Variants in SHPRH observed in about 807,000 individuals in gnomAD.
The protein encoded by SHPRH is SNF2 histone linker PHD RING helicase.
Under a neutral mutation model 202.5 loss-of-function variants are expected in SHPRH, and 106 were observed. The observed-to-expected ratio is 0.52, with a 90% CI of 0.45 to 0.62. The LOEUF (loss-of-function observed/expected upper bound fraction) is 0.62. SHPRH is among the 20% of genes least tolerant of loss of function. The probability of loss-of-function intolerance (pLI) is 0.00; values close to 1 mark genes in which losing one functional copy is unlikely to be tolerated. For missense variants in SHPRH, 1,710 were observed against 2,020.0 expected (o/e 0.85, Z 2.94); for synonymous variants, 729 against 686.0 (o/e 1.06, Z -0.98).
chr6:145,862,411 G>A (rs1583240124), downstream of SHPRH, among the ~76,000 whole-genome samples: 1 of 127,326 alleles, frequency 7.9e-6, no homozygotes, highest in African/African-American at 3.0e-5. Context: ...CCGAGACTCC[G>A]TCTCAACAAA....
At chr6:145,957,383 T>A (rs1051266126) in intron 1 of SHPRH, among the ~76,000 whole-genome samples, 4 of 152,074 alleles carry the variant, frequency 2.6e-5, no homozygotes, top group African/African-American at 4.8e-5. Context: ...ATTAAATATT[T>A]TGGTTCTTCA....
chr6:145,872,724 A>G (rs887808634), intron 2 of SHPRH, among the ~76,000 whole-genome samples: 3 of 152,242 alleles, frequency 2.0e-5, no homozygotes, highest in African/African-American at 7.2e-5. Context: ...TTTTCTTATA[A>G]AGACACATGC....
At chr6:145,867,631 T>TATATAGAG (rs1554220329) in intron 2 of SHPRH, among the ~76,000 whole-genome samples, 60 of 22,314 alleles carry the variant, frequency 2.7e-3, no homozygotes, top group East Asian at 3.6e-3. Flanking sequence ...TATATATATA[T>TATATAGAG]AGAGAGAGAG....
At chr6:145,932,953 TG>T in intron 14 of SHPRH, 103 bp downstream of exon 14, 1 of 1,248,030 alleles carries the variant, frequency 8.0e-7, no homozygotes, top group Non-Finnish European at 1.1e-6. Flanking sequence ...AGTATCTTTT[TG>T]GGGGAAAAAT....
At position 145,921,204 on chromosome 6, in the gene SHPRH, G is replaced by T. The variant is rs757509656; in HGVS notation, c.3971C>A (p.Ser1324Ter). The T allele has an allele frequency of 6.2e-7, 1 of 1,612,524 alleles. No individual in the cohort carries two copies. Residue 1324 changes from serine to a stop codon, truncating the protein, a stop_gained, in exon 21 of 30, where the codon TCA becomes TAA. Transcript: ENST00000275233. LOFTEE classifies it high-confidence loss of function. ...CTTCCATGCTTCAAAGAGATCCATT[G>T]AAGTGCTTCCTTCATCAACAAATTC... ...DVEFVDEGST[S>*]MDLFEAWKKE... is the part of the protein sequence containing the mutation.
At chr6:145,887,075 CCTT>C (rs1194373767) in intron 29 of SHPRH, among the ~76,000 whole-genome samples, 1 of 152,128 alleles carries the variant, frequency 6.6e-6, no homozygotes, top group Non-Finnish European at 1.5e-5. Flanking sequence ...TTACAAATTA[CCTT>C]CTTACCACCT....
At chr6:145,889,238 G>A (rs1054880180) in intron 28 of SHPRH, among the ~76,000 whole-genome samples, 3 of 152,176 alleles carry the variant, frequency 2.0e-5, no homozygotes, top group African/African-American at 7.2e-5. Flanking sequence ...TGTAGACAAA[G>A]AACCCTCAGA....
intron 2 of SHPRH, among the ~76,000 whole-genome samples, chr6:145,868,650 T>G (rs191394860): frequency 2.6e-5 from 4 of 152,314 alleles, no homozygotes; most frequent in Admixed American, 2.6e-4. Context: ...CTAGCTTTCT[T>G]AGAAGAGTAC....
chr6:145,887,501 G>A (rs1330263342), intron 29 of SHPRH, among the ~76,000 whole-genome samples: 1 of 150,088 alleles, frequency 6.7e-6, no homozygotes. Context: ...TTTTGTCTTT[G>A]GATTGACACC....
intron 7 of SHPRH, 35 bp downstream of exon 7, chr6:145,946,198 A>T (rs1347833804): frequency 6.7e-7 from 1 of 1,496,322 alleles, no homozygotes; most frequent in African/African-American, 1.4e-5. Context: ...AGATCACTAT[A>T]AGAAGGTATT....
rs58669613 is a variant in SHPRH, at chr6:145,874,209, A to AAATAATAATAATAATAATAATAAT, written c.222-9742_222-9719dup. 4.7e-5 allele frequency among the ~76,000 whole-genome samples: 7 copies of AAATAATAATAATAATAATAATAAT among 147,906 alleles called. No individual in the cohort carries two copies. In the East Asian group the frequency reaches 8.0e-4, roughly 17 times the overall value. ...GTGAAACTCCATCTCAAAAATAATA[A>AAATAATAATAATAATAATAATAAT]AATAATAATAATAATAATAATAATA... is the stretch of plus-strand genomic sequence containing the variant. On this transcript the variant is annotated intron_variant, in intron 2 of 2. Transcript: ENST00000417762.
chr6:145,887,582 C>A lies in SHPRH; in HGVS notation c.4955+438G>T, dbSNP rs369502373. ...ACACAGACTCGTTCTGTTGCCCAGG[C>A]TGGAGTGCAGTGGCACGATCTTGGC... is the stretch of plus-strand genomic sequence containing the variant. On this transcript the variant is annotated intron_variant, in intron 29 of 29. Coordinates refer to ENST00000275233, the MANE Select transcript of SHPRH (RefSeq NM_001042683.3). 2.3e-4 allele frequency among the ~76,000 whole-genome samples: 32 copies of A among 140,890 alleles called. No homozygotes were observed. The East Asian group carries it at 3.4e-3, about 15-fold the overall frequency. 92.4% of individuals were successfully genotyped at this position (140,890 alleles called of 152,430 possible).
chr6:145,904,863 C>T (rs1238048825), intron 25 of SHPRH: 1 of 152,088 alleles, frequency 6.6e-6, no homozygotes, highest in Non-Finnish European at 1.5e-5. Flanking sequence ...TTAATCAATA[C>T]TCATGAAAGA....
chr6:145,929,492 C>T (rs1231822806), intron 14 of SHPRH, among the ~76,000 whole-genome samples: 3 of 151,990 alleles, frequency 2.0e-5, no homozygotes, highest in Admixed American at 6.6e-5. Context: ...CTGATCTTCA[C>T]ATTAGAAGAA....
chr6:145,934,586 C>T (rs1785858693), intron 13 of SHPRH, among the ~76,000 whole-genome samples: 1 of 151,170 alleles, frequency 6.6e-6, no homozygotes, highest in Non-Finnish European at 1.5e-5. Context: ...CACTTGAGCC[C>T]AGGAATTTGA....
At chr6:145,868,384 T>G (rs1028208581) in intron 2 of SHPRH, among the ~76,000 whole-genome samples, 1 of 152,160 alleles carries the variant, frequency 6.6e-6, no homozygotes, top group Admixed American at 6.5e-5. Flanking sequence ...TTTCTACACA[T>G]GAGGAATGAC....
In SHPRH at chr6:145,941,735, C is replaced by T. The variant is rs751645899; in HGVS notation, c.2378G>A (p.Arg793His). ...ATAGCGCTTCTGGTTCCGTAGGCGACGCCCATCCTCACTATTGCTATGTGG... is the reference window on the plus strand; with the variant it reads ...ATAGCGCTTCTGGTTCCGTAGGCGATGCCCATCCTCACTATTGCTATGTGG... The part of the protein sequence containing the change: ...DIPHSNSEDG[R>H]RLRNQKRYMA... The change falls in exon 10 of 30, where the codon CGT becomes CAT. Residue 793 changes from arginine (R) to histidine (H), a missense_variant. By Grantham distance (29) the Arg-to-His change is conservative. Transcript: ENST00000275233. 16 of 1,613,874 alleles carry T rather than the reference C, an allele frequency of 9.9e-6. No homozygotes were observed. The highest frequency in any genetic ancestry group is 1.6e-4 in the Middle Eastern group (1 of 6,080).
At chr6:145,879,910 C>CAA (rs67055862), downstream of SHPRH, among the ~76,000 whole-genome samples, 90 of 60,766 alleles carry the variant, frequency 1.5e-3, 1 homozygote, top group African/African-American at 3.3e-3. Flanking sequence ...AACTCAATCT[C>CAA]AAAAAAAAAA....
intron 1 of SHPRH, among the ~76,000 whole-genome samples, chr6:145,956,010 A>G (rs1004300019): frequency 2.0e-5 from 3 of 152,104 alleles, no homozygotes; most frequent in Non-Finnish European, 4.4e-5. Flanking sequence ...TCTAAAACGA[A>G]AAACACATTG....
Sources: gnomAD v4.1 joint callset for allele counts (sites outside exome capture counted in the v4.1 genomes callset) on GRCh38, gnomAD v4.1.1 for gene constraint, MANE v1.5 for transcripts, NCBI Gene and HGNC (gene_info 2026-07-23, HGNC 2026-07-21) for gene names.